Variants in PLXDC2 observed in about 807,000 individuals in gnomAD.
The protein encoded by PLXDC2 is plexin domain containing 2.
In PLXDC2, 40 loss-of-function variants were observed where a neutral mutation model predicts 68.9. That is an observed-to-expected ratio of 0.58 (90% CI 0.45 to 0.76). The LOEUF is 0.76. PLXDC2 is among the 30% of genes least tolerant of loss of function. The pLI, the probability that PLXDC2 is intolerant of heterozygous loss-of-function variation, is 0.00. For synonymous variants in PLXDC2, 243 were observed against 234.2 expected (o/e 1.04, Z -0.34); for missense variants, 644 against 661.9 (o/e 0.97, Z 0.30).
intron 4 of PLXDC2, among the ~76,000 whole-genome samples, chr10:20,101,844 C>A (rs1479314386): frequency 6.6e-6 from 1 of 151,594 alleles, no homozygotes; most frequent in African/African-American, 2.4e-5. Flanking sequence ...GTTGCCCAGG[C>A]TGGAGTGCAG....
intron 2 of PLXDC2, among the ~76,000 whole-genome samples, chr10:20,023,559 C>T (rs116606842): frequency 1.4e-3 from 215 of 152,150 alleles, no homozygotes; most frequent in African/African-American, 5.1e-3. Context: ...TCTCTCTTGC[C>T]CTTTCTTTGC....
intron 13 of PLXDC2, among the ~76,000 whole-genome samples, chr10:20,260,597 C>T (rs113955309): frequency 3.0e-4 from 46 of 152,254 alleles, no homozygotes; most frequent in African/African-American, 9.9e-4. Flanking sequence ...ATTCACCTGT[C>T]GATGGACACT....
intron 1 of PLXDC2, among the ~76,000 whole-genome samples, chr10:19,831,347 G>A (rs968664786): frequency 4.6e-5 from 7 of 152,040 alleles, no homozygotes; most frequent in Non-Finnish European, 7.3e-5. Context: ...AGCAGTTCCT[G>A]TCCTCATTTT....
intron 1 of PLXDC2, among the ~76,000 whole-genome samples, chr10:19,980,267 AT>A (rs1333691890): frequency 6.6e-6 from 1 of 152,126 alleles, no homozygotes; most frequent in East Asian, 1.9e-4. Context: ...ATACTGACAG[AT>A]TTTTGCAAGT....
chr10:19,904,537 G>A (rs774027196), intron 1 of PLXDC2, among the ~76,000 whole-genome samples: 24 of 152,066 alleles, frequency 1.6e-4, no homozygotes, highest in Non-Finnish European at 2.9e-4. Context: ...GGTGACCAGG[G>A]CTGAGAACTT....
intron 9 of PLXDC2, among the ~76,000 whole-genome samples, chr10:20,190,811 T>C (rs939004072): frequency 2.0e-5 from 3 of 151,970 alleles, no homozygotes; most frequent in Non-Finnish European, 4.4e-5. Flanking sequence ...TTTTAATATT[T>C]ATGTAAGAAA....
chr10:20,053,556 A>G (rs1288859670), intron 3 of PLXDC2, among the ~76,000 whole-genome samples: 1 of 152,160 alleles, frequency 6.6e-6, no homozygotes, highest in Admixed American at 6.6e-5. Flanking sequence ...CCCTCTTGGT[A>G]GACATTTCAA....
At chr10:19,973,743 C>T (rs1834400786) in intron 1 of PLXDC2, among the ~76,000 whole-genome samples, 1 of 152,122 alleles carries the variant, frequency 6.6e-6, no homozygotes, top group African/African-American at 2.4e-5. Flanking sequence ...AGCCTGAAAG[C>T]CCCCAAGAAC....
chr10:19,927,713 C>CAAA (rs35250324), intron 1 of PLXDC2, among the ~76,000 whole-genome samples: 223 of 53,126 alleles, frequency 4.2e-3, no homozygotes, highest in South Asian at 7.9e-3. Flanking sequence ...GGAAAAAAAG[C>CAAA]AAAAAAAAAA....
At chr10:20,030,724 G>T (rs144380114) in intron 2 of PLXDC2, among the ~76,000 whole-genome samples, 1 of 152,256 alleles carries the variant, frequency 6.6e-6, no homozygotes, top group African/African-American at 2.4e-5. Context: ...CTGGCTGAGA[G>T]AGGTGAGCGC....
At chr10:20,102,256 C>T (rs562251641) in intron 4 of PLXDC2, among the ~76,000 whole-genome samples, 27 of 152,242 alleles carry the variant, frequency 1.8e-4, no homozygotes, top group African/African-American at 5.5e-4. Context: ...GTTATTATTC[C>T]GCCTAGACAA....
chr10:20,244,434 G>T (rs913055177), intron 12 of PLXDC2, among the ~76,000 whole-genome samples: 1 of 152,186 alleles, frequency 6.6e-6, no homozygotes, highest in African/African-American at 2.4e-5. Context: ...AAATTATATT[G>T]TTCTGGGGTG....
intron 13 of PLXDC2, among the ~76,000 whole-genome samples, chr10:20,256,979 C>T (rs1407776922): frequency 6.6e-6 from 1 of 152,150 alleles, no homozygotes; most frequent in Non-Finnish European, 1.5e-5. Flanking sequence ...TTTAGAGGAT[C>T]GTAGCCTCAA....
intron 1 of PLXDC2, among the ~76,000 whole-genome samples, chr10:19,850,913 T>G (rs528146275): frequency 6.6e-6 from 1 of 152,300 alleles, no homozygotes; most frequent in South Asian, 2.1e-4. Flanking sequence ...TGCATGTCAT[T>G]CAATTTGCTT....
At chr10:20,130,938 C>A (rs373018140) in intron 4 of PLXDC2, among the ~76,000 whole-genome samples, 1 of 152,098 alleles carries the variant, frequency 6.6e-6, no homozygotes, top group African/African-American at 2.4e-5. Context: ...CTGTAGTTTT[C>A]TTTTATTGTA....
intron 9 of PLXDC2, among the ~76,000 whole-genome samples, chr10:20,204,428 C>G (rs1026442040): frequency 6.6e-6 from 1 of 152,066 alleles, no homozygotes; most frequent in Admixed American, 6.6e-5. Context: ...CTTTTTAAAG[C>G]ATCTTTCCAT....
rs1835318689 is a variant in PLXDC2 at position 20,228,657 on chromosome 10, G to A, written c.1312+9555G>A. On this transcript the variant is annotated intron_variant, in intron 12 of 13. Coordinates refer to ENST00000377252, the MANE Select transcript of PLXDC2 (RefSeq NM_032812.9). ...CGGAAGGGAGGGAGGAAACAAGGAA[G>A]GAAAGAAGGAAGCAGGAAGGAAGGA... Among the ~76,000 whole-genome samples the A allele has an allele frequency of 1.3e-5, 2 of 150,604 alleles. 1 individual carries two copies. The highest frequency in any genetic ancestry group is 3.0e-5 in the Non-Finnish European group (2 of 67,786).
At chr10:19,849,188 T>C (rs1264454156) in intron 1 of PLXDC2, among the ~76,000 whole-genome samples, 1 of 152,190 alleles carries the variant, frequency 6.6e-6, no homozygotes, top group Non-Finnish European at 1.5e-5. Context: ...TTATTGTAGA[T>C]AATGGAAATA....
At chr10:19,887,376 C>T (rs1214076247) in intron 1 of PLXDC2, among the ~76,000 whole-genome samples, 1 of 151,990 alleles carries the variant, frequency 6.6e-6, no homozygotes, top group Non-Finnish European at 1.5e-5. Context: ...CAAAAATTAG[C>T]GAGGTGTGGT....
Sources: gnomAD v4.1 joint callset for allele counts (sites outside exome capture counted in the v4.1 genomes callset) on GRCh38, gnomAD v4.1.1 for gene constraint, MANE v1.5 for transcripts, NCBI Gene and HGNC (gene_info 2026-07-23, HGNC 2026-07-21) for gene names.